Variants in MAML3 observed in about 807,000 individuals in gnomAD.
MAML3 encodes mastermind like transcriptional coactivator 3, also known as mastermind-like protein 3.
A neutral mutation model predicts 101.9 loss-of-function variants in MAML3; 27 were observed. The observed-to-expected ratio is 0.27, with a 90% CI of 0.20 to 0.37. MAML3 has a LOEUF of 0.37. Ranked by LOEUF, MAML3 falls within the 10% of genes least tolerant of loss-of-function variation. The probability of loss-of-function intolerance (pLI) is 1.00; values close to 1 mark genes in which losing one functional copy is unlikely to be tolerated. For missense variants in MAML3, 1,316 were observed against 1,444.9 expected (o/e 0.91, Z 1.45); for synonymous variants, 501 against 555.9 (o/e 0.90, Z 1.39).
At chr4:140,043,694 T>C (rs1011699686) in intron 1 of MAML3, among the ~76,000 whole-genome samples, 7 of 152,216 alleles carry the variant, frequency 4.6e-5, no homozygotes, top group South Asian at 2.1e-4. Context: ...TATTTCAATC[T>C]TATCAATCGT....
intron 2 of MAML3, among the ~76,000 whole-genome samples, chr4:139,811,922 G>A (rs545204230): frequency 7.6e-4 from 116 of 152,300 alleles, no homozygotes; most frequent in African/African-American, 2.1e-3. Flanking sequence ...AAATTAAAAC[G>A]TTCAGTGGGG....
At chr4:139,736,323 G>A (rs1301528213) in intron 2 of MAML3, among the ~76,000 whole-genome samples, 3 of 152,234 alleles carry the variant, frequency 2.0e-5, no homozygotes, top group Non-Finnish European at 4.4e-5. Flanking sequence ...GAAGGCGAAA[G>A]TATGTATCAG....
chr4:139,987,267 G>A (rs1004332968), intron 1 of MAML3, among the ~76,000 whole-genome samples: 16 of 152,144 alleles, frequency 1.1e-4, no homozygotes, highest in African/African-American at 3.9e-4. Flanking sequence ...ATCATACGAC[G>A]TCTCCTGGTC....
chr4:139,748,866 C>G (rs1290530556), intron 2 of MAML3, among the ~76,000 whole-genome samples: 1 of 152,172 alleles, frequency 6.6e-6, no homozygotes, highest in African/African-American at 2.4e-5. Flanking sequence ...GCAAACTCAA[C>G]CCGGCTTTGT....
chr4:140,122,094 T>G (rs140905818), intron 1 of MAML3, among the ~76,000 whole-genome samples: 49 of 152,312 alleles, frequency 3.2e-4, no homozygotes, highest in African/African-American at 1.1e-3. Flanking sequence ...CGATTAAATC[T>G]CTTTCCTTTA....
At chr4:139,831,234 T>TA (rs1331342652) in intron 2 of MAML3, among the ~76,000 whole-genome samples, 2 of 152,214 alleles carry the variant, frequency 1.3e-5, no homozygotes, top group Non-Finnish European at 2.9e-5. Flanking sequence ...ACCTATTATT[T>TA]ATCATAAAAT....
chr4:139,896,639 GGT>G (rs142398267), intron 1 of MAML3, among the ~76,000 whole-genome samples: 3 of 45,572 alleles, frequency 6.6e-5, no homozygotes, highest in Non-Finnish European at 1.3e-4. Context: ...TGTGGTATGT[GGT>G]GTGTGTGTGT....
intron 2 of MAML3, among the ~76,000 whole-genome samples, chr4:139,805,403 T>C (rs1730683505): frequency 6.6e-6 from 1 of 152,254 alleles, no homozygotes; most frequent in Non-Finnish European, 1.5e-5. Flanking sequence ...TAATGACTTC[T>C]GGCTTGTCAG....
intron 2 of MAML3, among the ~76,000 whole-genome samples, chr4:139,858,740 G>A (rs1354925413): frequency 3.9e-5 from 6 of 152,018 alleles, no homozygotes; most frequent in Admixed American, 3.3e-4. Context: ...GTGATCACCC[G>A]GGCAGCTCTT....
chr4:139,953,354 G>A (rs780932630), intron 1 of MAML3, among the ~76,000 whole-genome samples: 3 of 152,320 alleles, frequency 2.0e-5, no homozygotes, highest in South Asian at 4.1e-4. Flanking sequence ...AACTTTGTGC[G>A]GTGGCTCATG....
intron 2 of MAML3, among the ~76,000 whole-genome samples, chr4:139,788,297 G>A (rs1025000069): frequency 9.2e-5 from 14 of 152,074 alleles, no homozygotes; most frequent in Admixed American, 5.2e-4. Flanking sequence ...GGAGCCTTCC[G>A]CACTCCCTCC....
intron 1 of MAML3, among the ~76,000 whole-genome samples, chr4:140,042,217 G>C (rs1162926370): frequency 1.3e-5 from 2 of 152,202 alleles, no homozygotes; most frequent in Non-Finnish European, 2.9e-5. Context: ...GAATGCAAAA[G>C]CTATGCTCGC....
Position 139,719,462 on chromosome 4 carries a change from G to A in MAML3, c.3278C>T (p.Ser1093Leu), listed in dbSNP as rs1449789043. Residue 1093 changes from serine to leucine, a missense_variant, in exon 5 of 5, where the codon TCA (serine) becomes TTA (leucine). Ser to Leu is a moderately radical substitution (Grantham distance 145). Transcript: ENST00000509479. ...AYERNAPQDV[S>L]YNYSGDGAGG... ...AGCTCCGTCGCCACTGTAATTGTAT[G>A]ACACGTCCTGAGGGGCATTCCGCTC... 2 of 1,614,018 alleles carry A rather than the reference G, an allele frequency of 1.2e-6. No homozygotes were observed. Among genetic ancestry groups the A allele is most frequent in the Admixed American group, 3.3e-5 (2 of 60,024 alleles).
intron 1 of MAML3, among the ~76,000 whole-genome samples, chr4:140,021,683 T>C (rs1352091174): frequency 1.3e-5 from 2 of 152,072 alleles, no homozygotes; most frequent in African/African-American, 4.8e-5. Flanking sequence ...GCATTGGGAA[T>C]CTCATTTCTT....
intron 2 of MAML3, among the ~76,000 whole-genome samples, chr4:139,790,606 A>G (rs1730391973): frequency 6.6e-6 from 1 of 151,928 alleles, no homozygotes; most frequent in South Asian, 2.1e-4. Flanking sequence ...TGAATTTACC[A>G]TTTCAGGTAT....
In MAML3 at chr4:139,825,241, G is replaced by A. The variant is rs138261316; in HGVS notation, c.2079+64116C>T. ...TAGAATAGGAAGAGGAAAGGGAAAC[G>A]GTATTGGGGGTGGGGTGAGGGGTGG... On this transcript the variant is annotated intron_variant, in intron 2 of 4. Transcript: ENST00000509479. Among the ~76,000 whole-genome samples the A allele has an allele frequency of 9.8e-4, 149 of 152,270 alleles. 1 individual carries two copies. Among genetic ancestry groups the A allele is most frequent in the African/African-American group, 3.5e-3 (145 of 41,554 alleles).
chr4:139,980,144 C>G (rs548831384), intron 1 of MAML3, among the ~76,000 whole-genome samples: 2 of 152,270 alleles, frequency 1.3e-5, no homozygotes, highest in South Asian at 4.2e-4. Flanking sequence ...GTCTGGAGGC[C>G]CTAGTTCAGA....
chr4:139,788,918 T>G (rs1730355441), intron 2 of MAML3, among the ~76,000 whole-genome samples: 1 of 152,208 alleles, frequency 6.6e-6, no homozygotes, highest in Admixed American at 6.5e-5. Context: ...TCACTTTCTT[T>G]GTGAAAGAAA....
chr4:139,996,993 G>T (rs1045674332), intron 1 of MAML3, among the ~76,000 whole-genome samples: 1 of 151,686 alleles, frequency 6.6e-6, no homozygotes, highest in East Asian at 1.9e-4. Context: ...GAAGTCAGAG[G>T]TTGCAAAGAG....
Sources: allele counts gnomAD v4.1 joint callset (sites outside exome capture counted in the v4.1 genomes callset), GRCh38; gene constraint gnomAD v4.1.1; transcripts MANE v1.5; gene names NCBI Gene and HGNC (gene_info 2026-07-23, HGNC 2026-07-21).